Variants in LRCH1 observed in about 807,000 individuals in gnomAD.
LRCH1 encodes leucine-rich repeat and calponin homology domain-containing protein 1.
A neutral mutation model predicts 94.9 loss-of-function variants in LRCH1; 23 were observed. The ratio of observed to expected loss-of-function variants is 0.24; its 90% CI spans 0.17 to 0.34. The LOEUF (loss-of-function observed/expected upper bound fraction) is 0.34, where lower values mean the gene tolerates loss of function less well. LRCH1 is among the 10% of genes least tolerant of loss of function. LRCH1 has a pLI of 1.00. For synonymous variants in LRCH1, 364 were observed against 354.9 expected (o/e 1.03, Z -0.29); for missense variants, 790 against 945.9 (o/e 0.84, Z 2.16).
intron 1 of LRCH1, among the ~76,000 whole-genome samples, chr13:46,617,940 G>A (rs1413001275): frequency 3.3e-5 from 5 of 152,162 alleles, no homozygotes; most frequent in African/African-American, 1.2e-4. Context: ...CTAGGACAGT[G>A]AGATAAGTAA....
At chr13:46,602,968 A>G (rs2050645127) in intron 1 of LRCH1, among the ~76,000 whole-genome samples, 1 of 80,782 alleles carries the variant, frequency 1.2e-5, no homozygotes, top group East Asian at 3.8e-4. Context: ...ACATGCATAC[A>G]TACATGCATG....
At chr13:46,669,284 G>A in intron 3 of LRCH1, 128 bp downstream of exon 3, 2 of 1,052,234 alleles carry the variant, frequency 1.9e-6, no homozygotes, top group South Asian at 1.8e-5. Context: ...GCAGGTATAT[G>A]ATAAAGACAT....
chr13:46,682,984 C>T (rs1870412236), intron 4 of LRCH1, among the ~76,000 whole-genome samples: 1 of 152,196 alleles, frequency 6.6e-6, no homozygotes, highest in Non-Finnish European at 1.5e-5. Flanking sequence ...AGTCCTGGAA[C>T]CCTGAATGCT....
At chr13:46,631,729 T>G (rs1186872215) in intron 1 of LRCH1, among the ~76,000 whole-genome samples, 1 of 152,210 alleles carries the variant, frequency 6.6e-6, no homozygotes, top group Non-Finnish European at 1.5e-5. Flanking sequence ...TGATAAAATA[T>G]ACATAAGATT....
chr13:46,642,745 C>A (rs1014298071), intron 1 of LRCH1, among the ~76,000 whole-genome samples: 12 of 152,172 alleles, frequency 7.9e-5, no homozygotes, highest in Non-Finnish European at 1.3e-4. Flanking sequence ...GCTCTTAGGA[C>A]AGCAGCATCT....
chr13:46,601,300 T>C (rs9567707), intron 1 of LRCH1, among the ~76,000 whole-genome samples: 124,262 of 152,256 alleles, frequency 0.82, 50,871 homozygotes, highest in East Asian at 0.92. Context: ...AAAGCATGTA[T>C]AGAAAGAGAT....
chr13:46,657,441 T>C (rs992630228), intron 2 of LRCH1, among the ~76,000 whole-genome samples: 7 of 144,482 alleles, frequency 4.8e-5, no homozygotes, highest in Non-Finnish European at 7.6e-5. Flanking sequence ...TTGGGGATCA[T>C]CACCACCACC....
At chr13:46,608,451 G>A (rs190207524) in intron 1 of LRCH1, among the ~76,000 whole-genome samples, 49 of 152,302 alleles carry the variant, frequency 3.2e-4, no homozygotes. Context: ...CAGAATTGGA[G>A]TAATTTCTGG....
Position 46,558,980 on chromosome 13 carries a change from A to G in LRCH1, c.307+5277A>G, listed in dbSNP as rs1594242762. Among the ~76,000 whole-genome samples the G allele has an allele frequency of 2.6e-5, 4 of 152,320 alleles. No individual in the cohort carries two copies. In the East Asian group the frequency reaches 7.7e-4, roughly 29 times the overall value. On this transcript the variant is annotated intron_variant, in intron 1 of 19. Coordinates refer to ENST00000389797, the MANE Select transcript of LRCH1 (RefSeq NM_001164211.2). ...TGATCTGGCTCTCTCAAATGTCTGT[A>G]CAGATTCAAAGGATCTTCTCTGAGA... is the stretch of plus-strand genomic sequence containing the variant.
intron 1 of LRCH1, among the ~76,000 whole-genome samples, chr13:46,581,658 A>G (rs945159618): frequency 1.3e-5 from 2 of 152,252 alleles, no homozygotes; most frequent in Non-Finnish European, 2.9e-5. Context: ...TGGACCTATC[A>G]GGGGTTGAAC....
At chr13:46,751,244 TGTTG>T (rs1874121948) in exon 19 of LRCH1, 2 of 152,170 alleles carry the variant, frequency 1.3e-5, no homozygotes, top group African/African-American at 4.8e-5. Context: ...TTAATATAAA[TGTTG>T]AGTTATTTTC....
chr13:46,679,801 A>G (rs1440287075), intron 3 of LRCH1: 2 of 152,324 alleles, frequency 1.3e-5, no homozygotes, highest in Non-Finnish European at 2.9e-5. Flanking sequence ...GGACAACTTC[A>G]TTCCTTTTTA....
chr13:46,615,018 G>A (rs2050790326), intron 1 of LRCH1, among the ~76,000 whole-genome samples: 1 of 152,090 alleles, frequency 6.6e-6, no homozygotes, highest in African/African-American at 2.4e-5. Context: ...CTGGATCTTT[G>A]TCCTCACTGA....
intron 1 of LRCH1, among the ~76,000 whole-genome samples, chr13:46,647,746 G>A (rs2138074200): frequency 6.7e-6 from 1 of 150,276 alleles, no homozygotes; most frequent in Admixed American, 6.6e-5. Context: ...GTAGATCTCT[G>A]ATTCATCTAG....
intron 16 of LRCH1, among the ~76,000 whole-genome samples, chr13:46,722,594 C>G (rs969043455): frequency 6.6e-6 from 1 of 152,200 alleles, no homozygotes; most frequent in Non-Finnish European, 1.5e-5. Context: ...GAACCTGAAG[C>G]CAGCCATGAG....
intron 17 of LRCH1, among the ~76,000 whole-genome samples, chr13:46,726,862 CAAAAAAAAA>C (rs71077918): frequency 3.6e-4 from 28 of 78,018 alleles, no homozygotes; most frequent in Middle Eastern, 0.011. Context: ...AGAGCAGTGT[CAAAAAAAAA>C]AAAAAAAAAA....
chr13:46,702,964 A>T (rs842392), intron 11 of LRCH1, among the ~76,000 whole-genome samples: 125,247 of 152,156 alleles, frequency 0.82, 51,616 homozygotes, highest in African/African-American at 0.88. Context: ...TGAGATTTTA[A>T]TTTATATTTA....
Position 46,616,720 on chromosome 13 carries a change from T to C in LRCH1, c.308-33481T>C, listed in dbSNP as rs529351267. ...GCACCAAATTTCATGCGCGTTCGTGTGAAGAGACCACCAAACAGGCTTTGT... is the reference window on the plus strand; with the variant it reads ...GCACCAAATTTCATGCGCGTTCGTGCGAAGAGACCACCAAACAGGCTTTGT... On this transcript the variant is annotated intron_variant, in intron 1 of 19. Transcript: ENST00000389797. Among the ~76,000 whole-genome samples, 4 of 152,370 alleles carry C rather than the reference T, an allele frequency of 2.6e-5. No individual in the cohort carries two copies. In the East Asian group the frequency reaches 7.7e-4, roughly 29 times the overall value.
At chr13:46,615,306 A>C (rs560828569) in intron 1 of LRCH1, among the ~76,000 whole-genome samples, 11 of 152,320 alleles carry the variant, frequency 7.2e-5, no homozygotes, top group African/African-American at 2.6e-4. Flanking sequence ...CACACGGCGA[A>C]AGAGGGAGCA....
Sources: gnomAD v4.1 joint callset for allele counts (sites outside exome capture counted in the v4.1 genomes callset) on GRCh38, gnomAD v4.1.1 for gene constraint, MANE v1.5 for transcripts, NCBI Gene and HGNC (gene_info 2026-07-23, HGNC 2026-07-21) for gene names.